Variants in SMOC2 observed in about 807,000 individuals in gnomAD.
The protein encoded by SMOC2 is SPARC-related modular calcium-binding protein 2.
In SMOC2, 39 loss-of-function variants were observed where a neutral mutation model predicts 61.4. That is an observed-to-expected ratio of 0.64 (90% CI 0.49 to 0.83). SMOC2 has a LOEUF of 0.83. Ranked by LOEUF, SMOC2 falls within the 40% of genes least tolerant of loss-of-function variation. The pLI is 0.00. For missense variants in SMOC2, 556 were observed against 592.9 expected, an observed-to-expected ratio of 0.94 and a Z score of 0.65; for synonymous variants, 247 against 239.9, an observed-to-expected ratio of 1.03 and a Z score of -0.27.
At chr6:168,600,394 C>T (rs1372125133) in intron 8 of SMOC2, among the ~76,000 whole-genome samples, 3 of 111,022 alleles carry the variant, frequency 2.7e-5, no homozygotes, top group South Asian at 2.9e-4. Flanking sequence ...GTGACAAGAG[C>T]GAAACTCTGC....
intron 8 of SMOC2, among the ~76,000 whole-genome samples, chr6:168,603,145 G>T (rs967611668): frequency 6.6e-6 from 1 of 151,510 alleles, no homozygotes; most frequent in African/African-American, 2.4e-5. Flanking sequence ...CCATCCTGCC[G>T]CCCTGTGAAA....
At chr6:168,494,166 C>T (rs758139505) in intron 1 of SMOC2, among the ~76,000 whole-genome samples, 13 of 152,138 alleles carry the variant, frequency 8.5e-5, no homozygotes, top group Non-Finnish European at 1.5e-4. Context: ...GAGCAGTTTT[C>T]CTTCTACACG....
At chr6:168,566,993 C>T (rs1237206234) in intron 7 of SMOC2, among the ~76,000 whole-genome samples, 2 of 152,176 alleles carry the variant, frequency 1.3e-5, no homozygotes, top group African/African-American at 4.8e-5. Flanking sequence ...GACCACAAAG[C>T]ATTCTCTCTA....
At chr6:168,634,206 G>C (rs909184293) in intron 9 of SMOC2, among the ~76,000 whole-genome samples, 1 of 152,114 alleles carries the variant, frequency 6.6e-6, no homozygotes, top group African/African-American at 2.4e-5. Context: ...GATTTCTAGA[G>C]CCTGTAGTCT....
In SMOC2 at chr6:168,638,922, T is replaced by A. The variant is rs548202814; in HGVS notation, c.908-11759T>A. The stretch of plus-strand genomic sequence containing the variant: ...AAGGAGAAAATCTCCAGTGCCCAGC[T>A]GCTCCGTCCGTAGTGCATGAGCCCC... On this transcript the variant is annotated intron_variant, in intron 9 of 12. Coordinates refer to ENST00000356284, the MANE Select transcript of SMOC2 (RefSeq NM_001166412.2). 4.6e-5 allele frequency among the ~76,000 whole-genome samples: 7 copies of A among 152,326 alleles called. No individual in the cohort carries two copies. In the East Asian group the frequency reaches 1.2e-3, roughly 25 times the overall value.
At chr6:168,586,768 T>A (rs1269519301) in intron 7 of SMOC2, among the ~76,000 whole-genome samples, 3 of 152,230 alleles carry the variant, frequency 2.0e-5, no homozygotes, top group African/African-American at 7.2e-5. Context: ...ATTCCAATTA[T>A]TCATTAGTAA....
chr6:168,512,270 A>T (rs1019856192), intron 2 of SMOC2, among the ~76,000 whole-genome samples: 1 of 152,060 alleles, frequency 6.6e-6, no homozygotes, highest in Non-Finnish European at 1.5e-5. Context: ...GATGGATGCA[A>T]ATTGCTGTTC....
At chr6:168,599,043 G>A (rs1243854106) in intron 8 of SMOC2, 39 bp downstream of exon 8, 1 of 1,524,880 alleles carries the variant, frequency 6.6e-7, no homozygotes, top group Non-Finnish European at 8.8e-7. Flanking sequence ...GACCATGGGA[G>A]GCTTTGGGGT....
chr6:168,632,992 C>T (rs971602992), intron 9 of SMOC2, among the ~76,000 whole-genome samples: 5 of 152,134 alleles, frequency 3.3e-5, no homozygotes, highest in African/African-American at 1.2e-4. Context: ...GGCTCAGCTC[C>T]CAGAAGCCCC....
chr6:168,599,016 G>A lies in SMOC2; in HGVS notation c.824+12G>A. The stretch of plus-strand genomic sequence containing the variant: ...GGCACATCCACAAGGTAAATAGGGT[G>A]CACCCACCCCCCCCGGGACCATGGG... On this transcript the variant is annotated intron_variant, in intron 8 of 12. Coordinates refer to ENST00000356284, the MANE Select transcript of SMOC2 (RefSeq NM_001166412.2). The A allele has an allele frequency of 1.3e-6, 2 of 1,575,422 alleles. No individual in the cohort carries two copies. The highest frequency in any genetic ancestry group is 1.7e-6 in the Non-Finnish European group (2 of 1,159,724).
At chr6:168,444,362 T>C (rs1259712799) in intron 1 of SMOC2, among the ~76,000 whole-genome samples, 1 of 152,180 alleles carries the variant, frequency 6.6e-6, no homozygotes, top group Non-Finnish European at 1.5e-5. Context: ...GTGAGTGTGC[T>C]TTCTTGGTGG....
intron 7 of SMOC2, among the ~76,000 whole-genome samples, chr6:168,560,488 T>C (rs12526829): frequency 0.01 from 1,552 of 149,892 alleles, 70 homozygotes; most frequent in East Asian, 0.057. Flanking sequence ...TGTGCCCACC[T>C]TTCTGGCCCT....
chr6:168,556,760 A>G (rs1375605605), intron 7 of SMOC2, among the ~76,000 whole-genome samples: 3 of 92,194 alleles, frequency 3.3e-5, no homozygotes, highest in African/African-American at 4.4e-5. Context: ...ACCCCACAAC[A>G]GGCCCCGCTG....
At chr6:168,625,680 C>A (rs1307871069) in intron 9 of SMOC2, among the ~76,000 whole-genome samples, 2 of 152,220 alleles carry the variant, frequency 1.3e-5, no homozygotes, top group Non-Finnish European at 2.9e-5. Flanking sequence ...GGCGTATACA[C>A]AGCCAAGCCG....
rs200189538 is a variant in SMOC2, at chr6:168,510,031, A to G, written c.201A>G (p.Gln67=). ...CCTTCCTTTCCCGTTGTGAATTTCA[A>G]CGTGCCAAGTGCAAAGATCCCCAGC... is the stretch of plus-strand genomic sequence containing the variant. The part of the protein sequence containing the change: ...GRTFLSRCEF[Q]RAKCKDPQLE... The change falls in exon 2 of 13, where the codon CAA becomes CAG. Residue 67 remains glutamine (Q), a synonymous_variant. Coordinates refer to ENST00000356284, the MANE Select transcript of SMOC2 (RefSeq NM_001166412.2). 3.1e-6 allele frequency: 5 copies of G among 1,614,230 alleles called. No homozygotes were observed. In the African/African-American group the frequency reaches 4.0e-5, roughly 13 times the overall value.
chr6:168,441,771 T>A (rs1257515895), intron 1 of SMOC2, among the ~76,000 whole-genome samples: 1 of 152,156 alleles, frequency 6.6e-6, no homozygotes, highest in African/African-American at 2.4e-5. Context: ...GAGAGGATCC[T>A]GGGGTCCTGC....
Position 168,667,139 on chromosome 6 carries a change from G to A in SMOC2, c.*701G>A, listed in dbSNP as rs1315958506. 1 of 152,248 alleles carries A rather than the reference G, an allele frequency of 6.6e-6. No homozygotes were observed. The highest frequency in any genetic ancestry group is 1.5e-5 in the Non-Finnish European group (1 of 68,080). 9.4% of individuals were successfully genotyped at this position (152,248 alleles called of 1,614,324 possible). On this transcript the variant is annotated 3_prime_UTR_variant, in exon 13 of 13. Coordinates refer to ENST00000356284, the MANE Select transcript of SMOC2 (RefSeq NM_001166412.2). Reference sequence around the variant, plus strand: ...CTGGGGCTTGAATGAGTCCCAGAGAGTCGTTCGGATGGTGGGAGGCTGCCT... The same window carrying A: ...CTGGGGCTTGAATGAGTCCCAGAGAATCGTTCGGATGGTGGGAGGCTGCCT...
At position 168,527,718 on chromosome 6, in the gene SMOC2, C is replaced by T. The variant is rs1458226410; in HGVS notation, c.454C>T (p.Arg152Trp). 2.3e-5 allele frequency: 36 copies of T among 1,550,704 alleles called. No individual in the cohort carries two copies. The highest frequency in any genetic ancestry group is 1.9e-4 in the African/African-American group (14 of 73,094). ...CACTGCCGTGGCCCACAAGACGCCCCGGTGCCCGGGTAGGTCTGACGTGCC... is the reference window on the plus strand; with the variant it reads ...CACTGCCGTGGCCCACAAGACGCCCTGGTGCCCGGGTAGGTCTGACGTGCC... ...SGTAVAHKTP[R>W]CPGSVNEKLP... is the part of the protein sequence containing the mutation. Residue 152 changes from arginine to tryptophan, a missense_variant, in exon 4 of 13, where the codon CGG (arginine) becomes TGG (tryptophan). Physicochemically the swap from Arg to Trp is moderately radical, Grantham distance 101 (BLOSUM62 -3). Coordinates refer to ENST00000356284, the MANE Select transcript of SMOC2 (RefSeq NM_001166412.2).
intron 1 of SMOC2, among the ~76,000 whole-genome samples, chr6:168,457,673 C>G (rs1250504053): frequency 6.6e-6 from 1 of 151,788 alleles, no homozygotes; most frequent in Non-Finnish European, 1.5e-5. Flanking sequence ...GACCCACCCT[C>G]CCCACGCCCA....
Sources: gnomAD v4.1 joint callset for allele counts (sites outside exome capture counted in the v4.1 genomes callset) on GRCh38, gnomAD v4.1.1 for gene constraint, MANE v1.5 for transcripts, NCBI Gene and HGNC (gene_info 2026-07-23, HGNC 2026-07-21) for gene names.